Variants in NAV2 observed in about 807,000 individuals in gnomAD.
The protein encoded by NAV2 is helicase, APC down-regulated 1.
Under a neutral mutation model 223.2 loss-of-function variants are expected in NAV2, and 54 were observed. The observed-to-expected ratio is 0.24, with a 90% CI of 0.19 to 0.30. The LOEUF (loss-of-function observed/expected upper bound fraction) is 0.30. Among genes scored for constraint, NAV2 ranks in the 10% least tolerant of loss-of-function variants. The pLI, the probability that NAV2 is intolerant of heterozygous loss-of-function variation, is 1.00. For synonymous variants in NAV2, 1,279 were observed against 1,239.3 expected, an observed-to-expected ratio of 1.03 and a Z score of -0.67; for missense variants, 2,806 against 3,147.5, an observed-to-expected ratio of 0.89 and a Z score of 2.60.
chr11:19,734,411 A>G (rs1021092882), intron 1 of NAV2, among the ~76,000 whole-genome samples: 1 of 152,218 alleles, frequency 6.6e-6, no homozygotes, highest in Admixed American at 6.5e-5. Context: ...TGGATGGGTT[A>G]GTTTTGAGAA....
rs2045533565 is a variant in NAV2, at chr11:19,933,062, G to T, written c.932-114G>T. 1.6e-6 allele frequency: 2 copies of T among 1,278,576 alleles called. No homozygotes were observed. The highest frequency in any genetic ancestry group is 2.6e-5 in the Admixed American group (1 of 38,528). The allele number at this position is 1,278,576 out of a possible 1,614,324, so 79.2% of individuals were successfully genotyped here. On this transcript the variant is annotated intron_variant, in intron 6 of 37. Transcript: ENST00000349880. This position sits in a 1 kb window ranked among gnomAD's most constrained non-coding sequence, Gnocchi z 4.3. Reference sequence around the variant, plus strand: ...GATAATCCACAAAGTGGGCAATGGAGCTATACGGCATTTGGGTTGGGAGTG... The same window carrying T: ...GATAATCCACAAAGTGGGCAATGGATCTATACGGCATTTGGGTTGGGAGTG...
intron 36 of NAV2, among the ~76,000 whole-genome samples, chr11:20,108,322 G>C (rs1231992042): frequency 6.6e-6 from 1 of 152,200 alleles, no homozygotes; most frequent in Non-Finnish European, 1.5e-5. Context: ...TCAAATTCCA[G>C]GTTCTTAGCC....
chr11:19,779,243 C>T (rs2056545098), intron 1 of NAV2, among the ~76,000 whole-genome samples: 1 of 152,142 alleles, frequency 6.6e-6, no homozygotes, highest in South Asian at 2.1e-4. Context: ...GGAGGAAGGG[C>T]TAGGGGAGCT....
rs573947338 is a variant in NAV2, at chr11:19,599,079, C to T, written c.76-233405C>T. ...CTAGGACTGTGGCCCAGGCCACCCA[C>T]GTTTGGAGGTGACAAAGCCCTCTGT... On this transcript the variant is annotated intron_variant, in intron 1 of 37. Transcript: ENST00000360655. Among the ~76,000 whole-genome samples the T allele has an allele frequency of 3.5e-4, 53 of 152,322 alleles. 2 individuals carry two copies. In the South Asian group the frequency reaches 0.01, roughly 29 times the overall value.
At chr11:20,059,660 A>G (rs920615537) in intron 19 of NAV2, among the ~76,000 whole-genome samples, 9 of 152,220 alleles carry the variant, frequency 5.9e-5, no homozygotes, top group South Asian at 4.1e-4. Context: ...CCGGACTTCT[A>G]GTCAGCAGAT....
intron 11 of NAV2, among the ~76,000 whole-genome samples, chr11:19,993,386 G>A (rs981127644): frequency 2.6e-5 from 4 of 152,160 alleles, no homozygotes; most frequent in African/African-American, 9.7e-5. Flanking sequence ...GCTTCTGTCT[G>A]GAAATGACCC....
intron 1 of NAV2, among the ~76,000 whole-genome samples, chr11:19,741,814 G>C (rs1031168356): frequency 1.3e-5 from 2 of 151,320 alleles, no homozygotes; most frequent in African/African-American, 4.9e-5. Flanking sequence ...GCAACAAATA[G>C]GGGAGTGCAG....
chr11:19,848,529 C>T (rs2060933401), intron 3 of NAV2, among the ~76,000 whole-genome samples: 1 of 152,202 alleles, frequency 6.6e-6, no homozygotes, highest in South Asian at 2.1e-4. Flanking sequence ...CAGCTGAGAG[C>T]AAGGGCTGGG....
chr11:19,655,894 A>C (rs1466525470), intron 1 of NAV2, among the ~76,000 whole-genome samples: 1 of 152,106 alleles, frequency 6.6e-6, no homozygotes, highest in Non-Finnish European at 1.5e-5. Flanking sequence ...AAGTATAATA[A>C]AAAATTTAAA....
intron 11 of NAV2, among the ~76,000 whole-genome samples, chr11:19,989,730 G>A (rs75586742): frequency 0.048 from 7,273 of 152,186 alleles, 340 homozygotes; most frequent in Non-Finnish European, 0.066. Context: ...GAGAGGAGAT[G>A]TTATCCTGGT....
intron 1 of NAV2, among the ~76,000 whole-genome samples, chr11:19,509,951 C>CT (rs1267965149): frequency 2.0e-5 from 3 of 152,124 alleles, no homozygotes; most frequent in Non-Finnish European, 4.4e-5. Context: ...TGGGGTCATT[C>CT]TTTTACTGGG....
intron 33 of NAV2, 75 bp from the exon 34 acceptor site, chr11:20,103,578 A>G (rs1238118412): frequency 9.1e-6 from 14 of 1,530,952 alleles, no homozygotes; most frequent in Middle Eastern, 1.7e-4. Context: ...GCACAGGGCC[A>G]TGGGCCTCTG....
chr11:19,939,347 G>C (rs963629380), intron 7 of NAV2, among the ~76,000 whole-genome samples: 1 of 152,098 alleles, frequency 6.6e-6, no homozygotes, highest in Non-Finnish European at 1.5e-5. Context: ...AAATCACCCC[G>C]TACCCTCCAG....
At chr11:20,088,394 C>T (rs1009159388) in intron 26 of NAV2, among the ~76,000 whole-genome samples, 4 of 152,306 alleles carry the variant, frequency 2.6e-5, no homozygotes, top group African/African-American at 9.6e-5. Context: ...GCCGTGTTGG[C>T]CAGGCTTGTC....
chr11:19,979,134 G>A (rs1198287088), intron 10 of NAV2: 1 of 152,188 alleles, frequency 6.6e-6, no homozygotes, highest in African/African-American at 2.4e-5. Flanking sequence ...TTCAAGTCTG[G>A]CCAGCTCCCA....
rs865872517 is a variant in NAV2, at chr11:19,713,190, C to G, written c.-506C>G. 2.7e-4 allele frequency: 131 copies of G among 477,192 alleles called. No individual in the cohort carries two copies. The Middle Eastern group carries it at 3.1e-3, about 11-fold the overall frequency. 29.6% of individuals were successfully genotyped at this position (477,192 alleles called of 1,614,324 possible). On this transcript the variant is annotated 5_prime_UTR_variant, in exon 1 of 38. Transcript: ENST00000349880. This position sits in a 1 kb window ranked among gnomAD's most constrained non-coding sequence, Gnocchi z 7.2. ...CCCTTGCGCCCTTCTTCTCTCCTTC[C>G]TTCGCTGCTGTCTCCTTTCCTTCCT...
chr11:19,948,096 G>C (rs2047076743), intron 9 of NAV2, among the ~76,000 whole-genome samples: 1 of 140,746 alleles, frequency 7.1e-6, no homozygotes, highest in Non-Finnish European at 1.5e-5. Flanking sequence ...TTTTTTTTTT[G>C]CCGGGGGGGA....
intron 3 of NAV2, among the ~76,000 whole-genome samples, chr11:19,843,958 T>C (rs1021431532): frequency 6.6e-6 from 1 of 152,132 alleles, no homozygotes; most frequent in African/African-American, 2.4e-5. Context: ...TTAATGCACA[T>C]TTTGAATATA....
chr11:19,717,441 A>C (rs922125976), intron 1 of NAV2, among the ~76,000 whole-genome samples: 1 of 152,254 alleles, frequency 6.6e-6, no homozygotes, highest in Non-Finnish European at 1.5e-5. Context: ...AGGAGACAGA[A>C]GATGAGCTGA....
Sources: allele counts gnomAD v4.1 joint callset (sites outside exome capture counted in the v4.1 genomes callset), GRCh38; gene constraint gnomAD v4.1.1; non-coding constraint Gnocchi (gnomAD v3.1); transcripts MANE v1.5; gene names NCBI Gene and HGNC (gene_info 2026-07-23, HGNC 2026-07-21).